LEPR: variants seen among roughly 807,000 people sequenced by gnomAD.
The protein encoded by LEPR is OB receptor.
Under a neutral mutation model 114.7 loss-of-function variants are expected in LEPR, and 56 were observed. The observed-to-expected ratio is 0.49, with a 90% CI of 0.39 to 0.61. The LOEUF (loss-of-function observed/expected upper bound fraction) is 0.61, where lower values mean the gene tolerates loss of function less well. Ranked by LOEUF, LEPR falls within the 20% of genes least tolerant of loss-of-function variation. The probability of loss-of-function intolerance (pLI) is 0.00; values close to 1 mark genes in which losing one functional copy is unlikely to be tolerated. For synonymous variants in LEPR, 443 were observed against 461.4 expected (o/e 0.96, Z 0.51); for missense variants, 1,202 against 1,352.9 (o/e 0.89, Z 1.75).
rs1393486067 is a variant in LEPR, at chr1:65,616,267, A to G, written c.2212+43A>G. 1.9e-6 allele frequency: 3 copies of G among 1,588,326 alleles called. No homozygotes were observed. The South Asian group carries it at 3.4e-5, about 18-fold the overall frequency. On this transcript the variant is annotated intron_variant, in intron 15 of 19. Coordinates refer to ENST00000349533, the MANE Select transcript of LEPR (RefSeq NM_002303.6). ...GTGGTAATCCATTGCCTCTTTTAATATTTAACTTTTGCAAACTCTCCTATT... is the reference window on the plus strand; with the variant it reads ...GTGGTAATCCATTGCCTCTTTTAATGTTTAACTTTTGCAAACTCTCCTATT...
At chr1:65,449,062 T>G (rs1646747331) in intron 2 of LEPR, among the ~76,000 whole-genome samples, 1 of 152,108 alleles carries the variant, frequency 6.6e-6, no homozygotes, top group Non-Finnish European at 1.5e-5. Flanking sequence ...CCCAGCTAAT[T>G]TTTGTATTTT....
At chr1:65,544,398 T>C (rs1411893155) in intron 2 of LEPR, among the ~76,000 whole-genome samples, 2 of 151,958 alleles carry the variant, frequency 1.3e-5, no homozygotes, top group African/African-American at 2.4e-5. Context: ...CAGAGACAAT[T>C]TGATTTCCTC....
chr1:65,564,614 G>T (rs553930863), intron 2 of LEPR, among the ~76,000 whole-genome samples: 1 of 152,214 alleles, frequency 6.6e-6, no homozygotes, highest in South Asian at 2.1e-4. Context: ...TATTCTTTGT[G>T]GTAAAGTGTG....
chr1:65,438,699 T>G (rs1342668645), intron 2 of LEPR, among the ~76,000 whole-genome samples: 1 of 152,118 alleles, frequency 6.6e-6, no homozygotes, highest in Non-Finnish European at 1.5e-5. Context: ...CAGGAAAATT[T>G]TCTTTTTCTT....
chr1:65,456,858 T>A lies in LEPR; in HGVS notation c.-21+31480T>A, dbSNP rs1646883151. Among the ~76,000 whole-genome samples, 4 of 152,210 alleles carry A rather than the reference T, an allele frequency of 2.6e-5. No individual in the cohort carries two copies. The South Asian group carries it at 8.3e-4, about 32-fold the overall frequency. On this transcript the variant is annotated intron_variant, in intron 2 of 19. Transcript: ENST00000349533. Reference sequence around the variant, plus strand: ...CTACTCTATTTGTTAGATTTTTATTTGTTGCCCTTGTTCTTTGACCCTGTT... The same window carrying A: ...CTACTCTATTTGTTAGATTTTTATTAGTTGCCCTTGTTCTTTGACCCTGTT...
chr1:65,447,864 G>A (rs1646733139), intron 2 of LEPR, among the ~76,000 whole-genome samples: 1 of 152,152 alleles, frequency 6.6e-6, no homozygotes, highest in African/African-American at 2.4e-5. Context: ...ATAGGAAAGT[G>A]ATTGACTTTT....
At chr1:65,426,859 G>A (rs774711261) in intron 2 of LEPR, among the ~76,000 whole-genome samples, 18 of 152,152 alleles carry the variant, frequency 1.2e-4, no homozygotes, top group East Asian at 1.9e-4. Context: ...TTAGCTGGGC[G>A]TGGTGGCACA....
rs1215194456 is a variant in LEPR at position 65,634,094 on chromosome 1, A to G, written c.2674-2097A>G. On this transcript the variant is annotated intron_variant, in intron 19 of 19. Transcript: ENST00000349533. ...TTCATGGTGAGGACAGAACTTTTCT[A>G]CTTTCAGACAGACTGCTTGCTAGTT... The G allele has an allele frequency of 7.1e-6, 7 of 985,340 alleles. No individual in the cohort carries two copies. In the African/African-American group the frequency reaches 1.2e-4, roughly 17 times the overall value. The allele number at this position is 985,340 out of a possible 1,614,324, so 61.0% of individuals were successfully genotyped here.
At chr1:65,596,745 A>G in intron 7 of LEPR, 152 bp downstream of exon 7, 1 of 667,928 alleles carries the variant, frequency 1.5e-6, no homozygotes, top group East Asian at 2.9e-5. Flanking sequence ...TATATCATAT[A>G]TAGATAGATA....
At chr1:65,467,207 G>A (rs952238669) in intron 2 of LEPR, among the ~76,000 whole-genome samples, 5 of 152,220 alleles carry the variant, frequency 3.3e-5, no homozygotes, top group African/African-American at 9.6e-5. Context: ...CCTACTGATG[G>A]GATTTTGGTG....
intron 5 of LEPR, among the ~76,000 whole-genome samples, chr1:65,574,476 T>C (rs1227296947): frequency 6.6e-6 from 1 of 152,164 alleles, no homozygotes; most frequent in Non-Finnish European, 1.5e-5. Flanking sequence ...TTAATATATG[T>C]TTTGCCAAGT....
intron 2 of LEPR, among the ~76,000 whole-genome samples, chr1:65,438,063 A>G (rs1646589415): frequency 6.9e-6 from 1 of 145,446 alleles, no homozygotes; most frequent in Admixed American, 7.0e-5. Flanking sequence ...TGCCTGTCTC[A>G]GCCTCCCAAA....
chr1:65,480,921 C>T (rs549340909), intron 2 of LEPR, among the ~76,000 whole-genome samples: 1 of 152,146 alleles, frequency 6.6e-6, no homozygotes, highest in Non-Finnish European at 1.5e-5. Context: ...AGCTTACACT[C>T]CAATAAATAC....
chr1:65,471,933 A>G (rs1647089041), intron 2 of LEPR, among the ~76,000 whole-genome samples: 1 of 152,196 alleles, frequency 6.6e-6, no homozygotes, highest in African/African-American at 2.4e-5. Context: ...AAATGTGTCA[A>G]GAGGAAGACT....
intron 2 of LEPR, among the ~76,000 whole-genome samples, chr1:65,525,216 T>G (rs1017731045): frequency 6.6e-6 from 1 of 152,108 alleles, no homozygotes; most frequent in Admixed American, 6.5e-5. Flanking sequence ...TCCTCCCAGT[T>G]ATTGCAACCT....
intron 2 of LEPR, among the ~76,000 whole-genome samples, chr1:65,467,020 A>G (rs1213398791): frequency 1.3e-5 from 2 of 152,146 alleles, no homozygotes; most frequent in Admixed American, 6.5e-5. Flanking sequence ...GACCTTCTGA[A>G]GCCTACTTCT....
Position 65,596,475 on chromosome 1 carries a change from A to G in LEPR, c.731A>G (p.His244Arg), listed in dbSNP as rs199962251. Reference protein sequence around the residue: ...MVKPDPPLGLHMEITDDGNLK... With the variant: ...MVKPDPPLGLRMEITDDGNLK... ...AAGCCTGATCCACCATTAGGTTTGCATATGGAAATCACAGATGATGGTAAT... is the reference window on the plus strand; with the variant it reads ...AAGCCTGATCCACCATTAGGTTTGCGTATGGAAATCACAGATGATGGTAAT... Residue 244 changes from histidine to arginine, a missense_variant, in exon 7 of 20, where the codon CAT becomes CGT. Coordinates refer to ENST00000349533, the MANE Select transcript of LEPR (RefSeq NM_002303.6). 6.2e-7 allele frequency: 1 copy of G among 1,612,846 alleles called. No homozygotes were observed. Among genetic ancestry groups the G allele is most frequent in the Non-Finnish European group, 8.5e-7 (1 of 1,179,212 alleles).
intron 1 of LEPR, among the ~76,000 whole-genome samples, chr1:65,422,918 G>A (rs111723465): frequency 7.9e-5 from 12 of 152,040 alleles, no homozygotes; most frequent in African/African-American, 2.7e-4. Context: ...GCTGTGTAGA[G>A]GATGGATTGG....
rs1355435088 is a variant in LEPR at position 65,636,298 on chromosome 1, A to T, written c.2781A>T (p.Ser927=). 1.2e-6 allele frequency: 2 copies of T among 1,614,062 alleles called. No individual in the cohort carries two copies. Among genetic ancestry groups the T allele is most frequent in the Non-Finnish European group, 1.7e-6 (2 of 1,179,956 alleles). The change falls in exon 20 of 20, where the codon TCA becomes TCT. Residue 927 remains serine, a synonymous_variant. Coordinates refer to ENST00000349533, the MANE Select transcript of LEPR (RefSeq NM_002303.6). ...TISEDISVDT[S]WKNKDEMMPT... is the part of the protein sequence containing the mutation. ...CAGAAGATATCAGTGTTGATACATC[A>T]TGGAAAAATAAAGATGAGATGATGC...
Sources: gnomAD v4.1 joint callset for allele counts (sites outside exome capture counted in the v4.1 genomes callset) on GRCh38, gnomAD v4.1.1 for gene constraint, MANE v1.5 for transcripts, NCBI Gene and HGNC (gene_info 2026-07-23, HGNC 2026-07-21) for gene names.